The following ASAP1 variants were observed in gnomAD, a reference collection of about 807,000 sequenced individuals.
ASAP1 encodes ArfGAP with SH3 domain, ankyrin repeat and PH domain 1.
A neutral mutation model predicts 145.2 loss-of-function variants in ASAP1; 43 were observed. The ratio of observed to expected loss-of-function variants is 0.30; its 90% CI spans 0.23 to 0.38. ASAP1 has a LOEUF of 0.38. ASAP1 is among the 10% of genes least tolerant of loss of function. The pLI, the probability that ASAP1 is intolerant of heterozygous loss-of-function variation, is 1.00. For synonymous variants in ASAP1, 546 were observed against 515.5 expected, an observed-to-expected ratio of 1.06 and a Z score of -0.80; for missense variants, 1,018 against 1,355.3, an observed-to-expected ratio of 0.75 and a Z score of 3.91.
chr8:130,318,003 C>T (rs549105862), intron 3 of ASAP1, among the ~76,000 whole-genome samples: 3 of 152,312 alleles, frequency 2.0e-5, no homozygotes, highest in African/African-American at 7.2e-5. Context: ...AGCAAATGGA[C>T]GTGCAGAAAG....
At chr8:130,073,250 C>T (rs1199104936) in intron 27 of ASAP1, among the ~76,000 whole-genome samples, 2 of 151,726 alleles carry the variant, frequency 1.3e-5, no homozygotes, top group African/African-American at 2.4e-5. Context: ...ATTTGATGGG[C>T]GTGGTGGTAC....
chr8:130,169,976 A>G (rs1472599839), intron 9 of ASAP1, among the ~76,000 whole-genome samples: 32 of 152,116 alleles, frequency 2.1e-4, no homozygotes, highest in Non-Finnish European at 4.6e-4. Context: ...AATAAACAAT[A>G]TGCCTCAGAA....
chr8:130,156,117 A>T (rs1182877475), intron 12 of ASAP1, among the ~76,000 whole-genome samples: 1 of 152,230 alleles, frequency 6.6e-6, no homozygotes, highest in Non-Finnish European at 1.5e-5. Flanking sequence ...TCTGGTCCAT[A>T]AAGTTTTAAA....
At chr8:130,147,902 GTTGA>G (rs1377341925) in intron 13 of ASAP1, among the ~76,000 whole-genome samples, 2 of 152,184 alleles carry the variant, frequency 1.3e-5, no homozygotes, top group Non-Finnish European at 2.9e-5. Flanking sequence ...GTTGGTGTTG[GTTGA>G]TTGAGAAAAA....
chr8:130,392,422 A>G (rs1251385119), intron 2 of ASAP1, among the ~76,000 whole-genome samples: 1 of 152,248 alleles, frequency 6.6e-6, no homozygotes, highest in Admixed American at 6.5e-5. Flanking sequence ...TATTCTGCAC[A>G]TGGTTTAGAC....
At chr8:130,190,974 C>T (rs1815096249) in intron 5 of ASAP1, among the ~76,000 whole-genome samples, 1 of 152,102 alleles carries the variant, frequency 6.6e-6, no homozygotes, top group Non-Finnish European at 1.5e-5. Context: ...TTTCTGTTCA[C>T]AGCTATATCC....
chr8:130,241,429 G>A (rs1818521222), intron 3 of ASAP1, among the ~76,000 whole-genome samples: 10 of 152,088 alleles, frequency 6.6e-5, no homozygotes, highest in Admixed American at 6.6e-4. Flanking sequence ...TGTATAACCT[G>A]TTCATGGCTG....
At chr8:130,324,913 C>G (rs1293084817) in intron 3 of ASAP1, among the ~76,000 whole-genome samples, 1 of 152,206 alleles carries the variant, frequency 6.6e-6, no homozygotes, top group African/African-American at 2.4e-5. Context: ...AGGCTCTAGA[C>G]AGTCTGCCTC....
intron 4 of ASAP1, among the ~76,000 whole-genome samples, chr8:130,218,734 G>A (rs1586618309): frequency 6.6e-6 from 1 of 152,120 alleles, no homozygotes; most frequent in Non-Finnish European, 1.5e-5. Flanking sequence ...TTATTAGGTA[G>A]ATGAAACATG....
chr8:130,275,656 A>G (rs574537064), intron 3 of ASAP1, among the ~76,000 whole-genome samples: 3 of 152,320 alleles, frequency 2.0e-5, no homozygotes, highest in Non-Finnish European at 4.4e-5. Flanking sequence ...GTATATAAAG[A>G]TTCTTGCACA....
At chr8:130,316,266 A>G (rs1230057908) in intron 3 of ASAP1, among the ~76,000 whole-genome samples, 1 of 152,150 alleles carries the variant, frequency 6.6e-6, no homozygotes, top group Non-Finnish European at 1.5e-5. Flanking sequence ...CCATCTAATC[A>G]CAATTCTTTC....
intron 5 of ASAP1, among the ~76,000 whole-genome samples, chr8:130,204,211 T>G (rs928914635): frequency 7.2e-5 from 11 of 152,194 alleles, no homozygotes; most frequent in Admixed American, 1.3e-4. Flanking sequence ...GCAAGGGATC[T>G]AGGTTGCACG....
At chr8:130,266,865 A>C (rs1307078720) in intron 3 of ASAP1, among the ~76,000 whole-genome samples, 33 of 152,160 alleles carry the variant, frequency 2.2e-4, no homozygotes, top group Admixed American at 2.2e-3. Context: ...GGAACCATTA[A>C]AATAGCTGAT....
At chr8:130,163,693 C>A (rs1304889722) in intron 11 of ASAP1, among the ~76,000 whole-genome samples, 1 of 151,868 alleles carries the variant, frequency 6.6e-6, no homozygotes, top group African/African-American at 2.4e-5. Flanking sequence ...CATTTAATAA[C>A]ATTAACAACA....
chr8:130,060,816 C>T lies in ASAP1; in HGVS notation c.2955G>A (p.Gln985=), dbSNP rs1220925109. The change falls in exon 28 of 30, where the codon CAG becomes CAA. Residue 985 remains glutamine (Q), a synonymous_variant. Coordinates refer to ENST00000518721, the MANE Select transcript of ASAP1 (RefSeq NM_018482.4). ...GTGGTTTGGGGGGCAGGTCCTTCAT[C>T]TGTGGTTTGGGAGGTAAGTCTGAGA... ...PQLSDLPPKP[Q]MKDLPPKPQL... is the part of the protein sequence containing the mutation. 6.2e-7 allele frequency: 1 copy of T among 1,613,896 alleles called. No individual in the cohort carries two copies. Among genetic ancestry groups the T allele is most frequent in the Non-Finnish European group, 8.5e-7 (1 of 1,180,014 alleles).
intron 3 of ASAP1, among the ~76,000 whole-genome samples, chr8:130,276,728 A>ACACACACACACACTCTCTCT (rs548512902): frequency 2.3e-4 from 20 of 87,318 alleles, no homozygotes; most frequent in African/African-American, 6.2e-4. Context: ...ACACACACAC[A>ACACACACACACACTCTCTCT]CTCTCTCTCT....
At chr8:130,069,083 G>T (rs2097436300) in intron 27 of ASAP1, among the ~76,000 whole-genome samples, 1 of 152,274 alleles carries the variant, frequency 6.6e-6, no homozygotes, top group African/African-American at 2.4e-5. Context: ...TTTTAAAATG[G>T]TTATTAACAA....
chr8:130,230,065 AAAACAAACAAAC>A (rs3997633), intron 4 of ASAP1, among the ~76,000 whole-genome samples: 1,521 of 150,254 alleles, frequency 0.01, 8 homozygotes, highest in South Asian at 0.018. Flanking sequence ...TCCTGTCTCC[AAAACAAACAAAC>A]AAACAAACAA....
At chr8:130,137,518 C>G (rs967469280) in intron 13 of ASAP1, among the ~76,000 whole-genome samples, 2 of 152,210 alleles carry the variant, frequency 1.3e-5, no homozygotes, top group African/African-American at 4.8e-5. Context: ...TGTAGCTGAG[C>G]TATATTTCAT....
Sources: gnomAD v4.1 joint callset for allele counts (sites outside exome capture counted in the v4.1 genomes callset) on GRCh38, gnomAD v4.1.1 for gene constraint, MANE v1.5 for transcripts, NCBI Gene and HGNC (gene_info 2026-07-23, HGNC 2026-07-21) for gene names.